Variants in SLC2A9 observed in about 807,000 individuals in gnomAD.
SLC2A9 encodes solute carrier family 2 member 9.
Under a neutral mutation model 50.6 loss-of-function variants are expected in SLC2A9, and 39 were observed. The observed-to-expected ratio is 0.77, with a 90% CI of 0.60 to 1.01. SLC2A9 has a LOEUF of 1.01. SLC2A9 is among the 50% of genes least tolerant of loss of function. SLC2A9 has a pLI of 0.00. For missense variants in SLC2A9, 686 were observed against 677.6 expected, an observed-to-expected ratio of 1.01 and a Z score of -0.14; for synonymous variants, 324 against 276.9, an observed-to-expected ratio of 1.17 and a Z score of -1.69.
At position 9,896,529 on chromosome 4, in the gene SLC2A9, A is replaced by G. The variant is rs1738589067; in HGVS notation, c.1114-5818T>C. On this transcript the variant is annotated intron_variant, in intron 8 of 11. Coordinates refer to ENST00000264784, the MANE Select transcript of SLC2A9 (RefSeq NM_020041.3). ...CCCCTCTCAAATGTGTTTTATAGGTATGTTCTCCATGTCTGTGACTTACCT... is the reference window on the plus strand; with the variant it reads ...CCCCTCTCAAATGTGTTTTATAGGTGTGTTCTCCATGTCTGTGACTTACCT... Among the ~76,000 whole-genome samples the G allele has an allele frequency of 2.0e-5, 3 of 152,278 alleles. No individual in the cohort carries two copies. The South Asian group carries it at 6.2e-4, about 32-fold the overall frequency.
chr4:9,879,240 A>C, intron 10 of SLC2A9: 2 of 985,418 alleles, frequency 2.0e-6, no homozygotes, highest in Middle Eastern at 5.2e-4. Flanking sequence ...AGAAAGTCTC[A>C]AGATGCAGTA....
intron 1 of SLC2A9, 21 bp downstream of exon 1, chr4:10,021,259 A>G: frequency 6.2e-7 from 1 of 1,612,296 alleles, no homozygotes; most frequent in Non-Finnish European, 8.5e-7. Context: ...CCAGCCATGC[A>G]GAAAAGCTGT....
chr4:9,982,189 A>G (rs765163708), intron 4 of SLC2A9, among the ~76,000 whole-genome samples: 15 of 152,212 alleles, frequency 9.9e-5, no homozygotes, highest in Non-Finnish European at 1.9e-4. Context: ...CCGGCTTTAA[A>G]TTCTTTATTA....
At chr4:9,774,085 C>T (rs1002562032) in intron 1 of SLC2A9, among the ~76,000 whole-genome samples, 7 of 150,594 alleles carry the variant, frequency 4.6e-5, no homozygotes, top group African/African-American at 1.7e-4. Context: ...ATCTCTGCCT[C>T]CTGGTTCAAG....
intron 2 of SLC2A9, among the ~76,000 whole-genome samples, chr4:9,998,936 GT>G (rs1178899528): frequency 1.6e-4 from 25 of 151,894 alleles, no homozygotes; most frequent in African/African-American, 5.6e-4. Flanking sequence ...AAACCCAAAA[GT>G]ATGCCAAATT....
At chr4:9,994,564 C>CTTTTTTTTTTTTTTTTT in intron 3 of SLC2A9, among the ~76,000 whole-genome samples, 2 of 131,826 alleles carry the variant, frequency 1.5e-5, no homozygotes, top group Non-Finnish European at 3.2e-5. Context: ...TTTCCTTTTC[C>CTTTTTTTTTTTTTTTTT]TTTTTTTTTT....
chr4:9,926,921 G>A (rs1343926401), intron 6 of SLC2A9, among the ~76,000 whole-genome samples: 1 of 152,132 alleles, frequency 6.6e-6, no homozygotes, highest in East Asian at 1.9e-4. Context: ...GGAGCACCAA[G>A]GACTGCTGGT....
intron 11 of SLC2A9, among the ~76,000 whole-genome samples, chr4:9,832,972 C>A (rs1726420402): frequency 6.6e-6 from 1 of 152,172 alleles, no homozygotes; most frequent in Admixed American, 6.5e-5. Flanking sequence ...ACATACAAAT[C>A]TCAGTACTGG....
intron 3 of SLC2A9, among the ~76,000 whole-genome samples, chr4:9,808,797 ATCTC>A (rs1318679778): frequency 6.6e-6 from 1 of 151,978 alleles, no homozygotes; most frequent in African/African-American, 2.4e-5. Context: ...TGGCTTAGGA[ATCTC>A]TCTCCTCTGT....
chr4:9,798,537 C>T (rs1720894100), downstream of SLC2A9: 1 of 152,184 alleles, frequency 6.6e-6, no homozygotes, highest in Non-Finnish European at 1.5e-5. Context: ...TCAATCCATC[C>T]ATTTTATTTA....
intron 11 of SLC2A9, among the ~76,000 whole-genome samples, chr4:9,827,124 C>T (rs1397946368): frequency 6.6e-6 from 1 of 152,150 alleles, no homozygotes; most frequent in Non-Finnish European, 1.5e-5. Context: ...TAAGAGAGAT[C>T]AGAAAAAATA....
At chr4:9,914,509 A>G (rs75181558) in intron 7 of SLC2A9, among the ~76,000 whole-genome samples, 2,200 of 152,280 alleles carry the variant, frequency 0.014, 29 homozygotes, top group Non-Finnish European at 0.021. Flanking sequence ...TGCGCACCTT[A>G]CGCTTCACAA....
chr4:9,991,069 G>A (rs1202698529), intron 3 of SLC2A9, among the ~76,000 whole-genome samples: 4 of 152,196 alleles, frequency 2.6e-5, no homozygotes, highest in African/African-American at 7.2e-5. Flanking sequence ...TGAGTGGTAG[G>A]GGTGGATGCA....
chr4:9,895,988 G>A (rs779913141), intron 8 of SLC2A9, among the ~76,000 whole-genome samples: 4 of 152,150 alleles, frequency 2.6e-5, no homozygotes, highest in Non-Finnish European at 4.4e-5. Context: ...CCATTGCATG[G>A]ATATACCAAA....
chr4:9,854,167 C>T (rs1730385611), intron 10 of SLC2A9, among the ~76,000 whole-genome samples: 1 of 151,974 alleles, frequency 6.6e-6, no homozygotes, highest in Admixed American at 6.6e-5. Flanking sequence ...GAGACACACA[C>T]ACAAAAAATA....
intron 3 of SLC2A9, among the ~76,000 whole-genome samples, chr4:9,815,414 A>G (rs1723440201): frequency 6.6e-6 from 1 of 152,246 alleles, no homozygotes; most frequent in South Asian, 2.1e-4. Context: ...AAACCCAAGT[A>G]AGAGTAGCTT....
At position 9,843,118 on chromosome 4, in the gene SLC2A9, C is replaced by T. The variant is rs1728363429; in HGVS notation, c.1292-8110G>A. On this transcript the variant is annotated intron_variant, in intron 10 of 11. Coordinates refer to ENST00000264784, the MANE Select transcript of SLC2A9 (RefSeq NM_020041.3). Reference sequence around the variant, plus strand: ...GTTATACTTTGAGCAGTGCTTTTGGCCTGCCACAATGTGGGCTGAGAGAGC... The same window carrying T: ...GTTATACTTTGAGCAGTGCTTTTGGTCTGCCACAATGTGGGCTGAGAGAGC... 1.3e-5 allele frequency among the ~76,000 whole-genome samples: 2 copies of T among 152,050 alleles called. 1 individual carries two copies. Among genetic ancestry groups the T allele is most frequent in the Non-Finnish European group, 2.9e-5 (2 of 68,012 alleles).
intron 3 of SLC2A9, chr4:9,784,024 T>C (rs1256661588): frequency 6.0e-6 from 1 of 167,458 alleles, no homozygotes; most frequent in African/African-American, 2.4e-5. Context: ...GGGGTGACTA[T>C]CTTTGCTTTG....
intron 3 of SLC2A9, among the ~76,000 whole-genome samples, chr4:9,817,969 G>A (rs1723853022): frequency 6.6e-6 from 1 of 152,202 alleles, no homozygotes; most frequent in African/African-American, 2.4e-5. Flanking sequence ...CAGTGAGTAC[G>A]TGGCTAGGCA....
Sources: gnomAD v4.1 joint callset for allele counts (sites outside exome capture counted in the v4.1 genomes callset) on GRCh38, gnomAD v4.1.1 for gene constraint, MANE v1.5 for transcripts, NCBI Gene and HGNC (gene_info 2026-07-23, HGNC 2026-07-21) for gene names.